TRIM41: variants seen among roughly 807,000 people sequenced by gnomAD.
TRIM41 encodes the protein tripartite motif containing 41.
In TRIM41, 21 loss-of-function variants were observed where a neutral mutation model predicts 60.6. The observed-to-expected ratio is 0.35, with a 90% CI of 0.25 to 0.50. The LOEUF is 0.50. Ranked by LOEUF, TRIM41 falls within the 20% of genes least tolerant of loss-of-function variation. TRIM41 has a pLI of 0.98. For synonymous variants in TRIM41, 407 were observed against 344.9 expected (o/e 1.18, Z -2.00); for missense variants, 846 against 868.3 (o/e 0.97, Z 0.32).
At position 181,224,503 on chromosome 5, in the gene TRIM41, C is replaced by G. The variant is rs1289063363; in HGVS notation, c.504C>G (p.Val168=). The change falls in exon 1 of 6, where the codon GTC becomes GTG. Residue 168 remains valine, a synonymous_variant. Coordinates refer to ENST00000315073, the MANE Select transcript of TRIM41 (RefSeq NM_033549.5). ...TTGAGGAAGAGGATCTAGACCCCGT[C>G]ACCCCACTGCCCCCGCCTCCAGCCC... The part of the protein sequence containing the change: ...EEVEEEDLDP[V]TPLPPPPAPR... The G allele has an allele frequency of 1.2e-6, 2 of 1,612,326 alleles. No homozygotes were observed. Among genetic ancestry groups the G allele is most frequent in the Non-Finnish European group, 1.7e-6 (2 of 1,178,718 alleles).
chr5:181,233,725 T>C lies in TRIM41; in HGVS notation c.1253T>C (p.Val418Ala). 6.2e-7 allele frequency: 1 copy of C among 1,613,978 alleles called. No homozygotes were observed. Among genetic ancestry groups the C allele is most frequent in the Non-Finnish European group, 8.5e-7 (1 of 1,179,958 alleles). The change falls in exon 5 of 6, where the codon GTG becomes GCG. Residue 418 changes from valine to alanine, a missense_variant. Coordinates refer to ENST00000315073, the MANE Select transcript of TRIM41 (RefSeq NM_033549.5). This position sits in a 1 kb window ranked among gnomAD's most constrained non-coding sequence, Gnocchi z 4.1. ...HSHDFLTDAIVRKMSRMFCQA... is the reference protein window; with the variant it reads ...HSHDFLTDAIARKMSRMFCQA... ...CATGACTTCCTGACAGATGCCATCG[T>C]GAGGAAAATGAGCCGGATGTTCTGT...
chr5:181,231,396 C>T (rs1222518409), intron 2 of TRIM41: 2 of 153,030 alleles, frequency 1.3e-5, no homozygotes, highest in African/African-American at 2.4e-5. Flanking sequence ...TATTGCTCGC[C>T]CTTCTCCAAG....
intron 1 of TRIM41, chr5:181,229,425 G>A (rs1394125504): frequency 6.6e-6 from 1 of 152,232 alleles, no homozygotes; most frequent in African/African-American, 2.4e-5. Flanking sequence ...AAAGGAGACA[G>A]GCTAGTAGAA....
At chr5:181,231,519 C>G (rs1758801537) in intron 2 of TRIM41, 1 of 152,982 alleles carries the variant, frequency 6.5e-6, no homozygotes. Flanking sequence ...CCAGGACCTC[C>G]CCTTCTGTCC....
At chr5:181,230,562 T>C (rs1758752977) in intron 1 of TRIM41, 182 bp from the exon 2 acceptor site, 1 of 428,828 alleles carries the variant, frequency 2.3e-6, no homozygotes, top group South Asian at 2.5e-5. Flanking sequence ...CACAGAGGGA[T>C]TGGAGGCTTT....
intron 1 of TRIM41, chr5:181,229,062 T>C (rs1263764671): frequency 6.6e-6 from 1 of 152,042 alleles, no homozygotes; most frequent in Non-Finnish European, 1.5e-5. Flanking sequence ...GTGTAGTTCA[T>C]GCTATTGTCA....
rs1375598412 is a variant in TRIM41 at position 181,232,739 on chromosome 5, G to A, written c.990G>A (p.Gly330=). The change falls in exon 3 of 6, where the codon GGG becomes GGA. Residue 330 remains glycine, a synonymous_variant. Transcript: ENST00000315073. ...GGTTTCTGGCTGAAGAGCAGGCAGG[G>A]CTGGAACGGCGTCTCAGAGAGATGC... ...LTRFLAEEQA[G]LERRLREMHE... 3.7e-6 allele frequency: 6 copies of A among 1,613,904 alleles called. No homozygotes were observed. Among genetic ancestry groups the A allele is most frequent in the Non-Finnish European group, 5.1e-6 (6 of 1,180,004 alleles).
intron 2 of TRIM41, chr5:181,232,018 A>G (rs1192610956): frequency 6.6e-6 from 1 of 152,280 alleles, no homozygotes; most frequent in Non-Finnish European, 1.5e-5. Flanking sequence ...GGACCTTCAC[A>G]GAAAAAGTTT....
chr5:181,224,957 C>A, intron 1 of TRIM41, 145 bp downstream of exon 1: 1 of 973,434 alleles, frequency 1.0e-6, no homozygotes, highest in African/African-American at 1.6e-5. Flanking sequence ...GCACTTACTG[C>A]CACCAAGGTG....
At position 181,223,742 on chromosome 5, in the gene TRIM41, T is replaced by C. The variant is rs1758398102; in HGVS notation, c.-258T>C. Reference sequence around the variant, plus strand: ...GTCCAAGGGAGCATTGGGGCAGACTTGTACTCAGAGCCACCTGAGGGACTT... The same window carrying C: ...GTCCAAGGGAGCATTGGGGCAGACTCGTACTCAGAGCCACCTGAGGGACTT... On this transcript the variant is annotated 5_prime_UTR_variant, in exon 1 of 6. Coordinates refer to ENST00000315073, the MANE Select transcript of TRIM41 (RefSeq NM_033549.5). 5 of 593,026 alleles carry C rather than the reference T, an allele frequency of 8.4e-6. No homozygotes were observed. Among genetic ancestry groups the C allele is most frequent in the Middle Eastern group, 9.0e-4 (2 of 2,222 alleles). 36.7% of individuals were successfully genotyped at this position (593,026 alleles called of 1,614,324 possible). A position where few individuals can be genotyped will look rare whatever the true frequency, so the allele number is the denominator to read the frequency against.
At position 181,232,868 on chromosome 5, in the gene TRIM41, G is replaced by T. The variant is rs770466308; in HGVS notation, c.1119G>T (p.Gln373His). 19 of 1,544,414 alleles carry T rather than the reference G, an allele frequency of 1.2e-5. No homozygotes were observed. Among genetic ancestry groups the T allele is most frequent in the Admixed American group, 7.8e-5 (4 of 51,452 alleles). The change falls in exon 3 of 6, where the codon CAG becomes CAT. Residue 373 changes from glutamine (Q) to histidine (H), a missense_variant. Gln to His is a conservative substitution (Grantham distance 24, BLOSUM62 0). Transcript: ENST00000315073. ...CAGAGGCCCAGGAGCGGAGCCAGCA[G>T]GGGGGTCTCCGGCTGCTCCAGGTGA... Reference protein sequence around the residue: ...LLAEAQERSQQGGLRLLQDIK... With the variant: ...LLAEAQERSQHGGLRLLQDIK...
Position 181,234,613 on chromosome 5 carries a change from G to A in TRIM41, c.1731G>A (p.Arg577=), listed in dbSNP as rs749616059. ...QTLLSPSEKP[R]RFGVYLDYEA... is the part of the protein sequence containing the mutation. ...TGCTGAGCCCCAGTGAGAAACCAAG[G>A]CGCTTTGGTGTGTACCTGGACTATG... Residue 577 remains arginine, a synonymous_variant, in exon 6 of 6, where the codon AGG becomes AGA. Coordinates refer to ENST00000315073, the MANE Select transcript of TRIM41 (RefSeq NM_033549.5). The surrounding 1 kb of genome is among the most constrained non-coding windows in gnomAD (Gnocchi z 5.6). The A allele has an allele frequency of 2.5e-6, 4 of 1,614,080 alleles. No homozygotes were observed. The highest frequency in any genetic ancestry group is 1.1e-5 in the South Asian group (1 of 91,090).
At chr5:181,230,914 G>T in intron 2 of TRIM41, 75 bp downstream of exon 2, 1 of 1,369,412 alleles carries the variant, frequency 7.3e-7, no homozygotes, top group Non-Finnish European at 1.0e-6. Flanking sequence ...CACTCTCACA[G>T]GGAGTGACTT....
Position 181,223,568 on chromosome 5 carries a change from C to T in TRIM41, c.-432C>T, listed in dbSNP as rs972009795. 4.5e-6 allele frequency: 2 copies of T among 449,352 alleles called. No individual in the cohort carries two copies. The highest frequency in any genetic ancestry group is 7.6e-5 in the Admixed American group (2 of 26,370). 27.8% of individuals were successfully genotyped at this position (449,352 alleles called of 1,614,324 possible). ...CGTCTCCTCGCCATTTCCTGTCGCCCTGGGGCCCCGCGGGGAAAAAGGGGG... is the reference window on the plus strand; with the variant it reads ...CGTCTCCTCGCCATTTCCTGTCGCCTTGGGGCCCCGCGGGGAAAAAGGGGG... On this transcript the variant is annotated 5_prime_UTR_variant, in exon 1 of 6. Coordinates refer to ENST00000315073, the MANE Select transcript of TRIM41 (RefSeq NM_033549.5).
chr5:181,227,277 T>C (rs1275530476), intron 1 of TRIM41: 1 of 152,224 alleles, frequency 6.6e-6, no homozygotes, highest in African/African-American at 2.4e-5. Flanking sequence ...TACATAGTTT[T>C]ATTGTATAGG....
rs745348757 is a variant in TRIM41 at position 181,224,060 on chromosome 5, G to A, written c.61G>A (p.Ala21Thr). The change falls in exon 1 of 6, where the codon GCC becomes ACC. Residue 21 changes from alanine to threonine, a missense_variant. Transcript: ENST00000315073. ...GACCCTTCAGGAGGAGGCGGTGTGC[G>A]CCATCTGCCTCGATTACTTCACGGA... ...VQTLQEEAVC[A>T]ICLDYFTDPV... is the part of the protein sequence containing the mutation. 3.2e-5 allele frequency: 51 copies of A among 1,614,134 alleles called. No homozygotes were observed. The highest frequency in any genetic ancestry group is 4.1e-5 in the Non-Finnish European group (48 of 1,180,052).
chr5:181,232,957 C>T, intron 3 of TRIM41, 68 bp downstream of exon 3: 1 of 1,459,842 alleles, frequency 6.9e-7, no homozygotes, highest in Non-Finnish European at 9.3e-7. Flanking sequence ...TTACCAAACG[C>T]CTGTCCAGAG....
chr5:181,228,933 CAAAAAAAAA>C (rs34347124), intron 1 of TRIM41: 3 of 35,022 alleles, frequency 8.6e-5, no homozygotes, highest in Non-Finnish European at 1.4e-4. Flanking sequence ...GACTCTGTCT[CAAAAAAAAA>C]AAAAAAAAAA....
At chr5:181,227,121 A>T (rs948883012) in intron 1 of TRIM41, 3 of 151,802 alleles carry the variant, frequency 2.0e-5, no homozygotes, top group Non-Finnish European at 2.9e-5. Flanking sequence ...GATCCGCCCA[A>T]CTTGGCCTCC....
Sources: gnomAD v4.1 joint callset for allele counts on GRCh38, gnomAD v4.1.1 for gene constraint, Gnocchi (gnomAD v3.1) non-coding constraint, MANE v1.5 for transcripts, NCBI Gene and HGNC (gene_info 2026-07-23, HGNC 2026-07-21) for gene names.